Variants in GALNT13 observed in about 807,000 individuals in gnomAD.
GALNT13 encodes polypeptide N-acetylgalactosaminyltransferase 13, also known as UDP-GalNAc:polypeptide N-acetylgalactosaminyltransferase 13.
GALNT13 carries 28 observed loss-of-function variants against 64.2 expected under a neutral mutation model. The ratio of observed to expected loss-of-function variants is 0.44; its 90% CI spans 0.32 to 0.60. The LOEUF is 0.60. GALNT13 is among the 20% of genes least tolerant of loss of function. The pLI is 0.05. For synonymous variants in GALNT13, 214 were observed against 224.6 expected, an observed-to-expected ratio of 0.95 and a Z score of 0.42; for missense variants, 577 against 669.8, an observed-to-expected ratio of 0.86 and a Z score of 1.53.
chr2:153,159,951 A>T, the GALNT13 span, among the ~76,000 whole-genome samples: 1 of 152,234 alleles, frequency 6.6e-6, no homozygotes, highest in Non-Finnish European at 1.5e-5. Context: ...GAGTTGTTCT[A>T]TGACCACTTT....
the GALNT13 span, among the ~76,000 whole-genome samples, chr2:153,548,536 C>T: frequency 6.6e-6 from 1 of 152,154 alleles, no homozygotes; most frequent in Admixed American, 6.5e-5. Context: ...GCTTTTGCTT[C>T]CAGTGAATCT....
chr2:153,080,976 C>T, the GALNT13 span, among the ~76,000 whole-genome samples: 1 of 151,760 alleles, frequency 6.6e-6, no homozygotes, highest in South Asian at 2.1e-4. Context: ...ATTCACTGCC[C>T]ACCCTTAAAT....
At chr2:154,208,384 A>G (rs1687582458) in intron 4 of GALNT13, among the ~76,000 whole-genome samples, 1 of 152,216 alleles carries the variant, frequency 6.6e-6, no homozygotes, top group Admixed American at 6.5e-5. Context: ...ATAAAAATAA[A>G]TGTAAAATCA....
At chr2:153,560,439 T>C in the GALNT13 span, among the ~76,000 whole-genome samples, 2 of 152,068 alleles carry the variant, frequency 1.3e-5, no homozygotes, top group African/African-American at 2.4e-5. Flanking sequence ...CATTCATCCA[T>C]GTTTTCTACT....
chr2:153,546,139 G>C, the GALNT13 span, among the ~76,000 whole-genome samples: 1 of 152,142 alleles, frequency 6.6e-6, no homozygotes, highest in South Asian at 2.1e-4. Flanking sequence ...ATTTTTCAGT[G>C]ATTCCTAATA....
intron 9 of GALNT13, among the ~76,000 whole-genome samples, chr2:154,317,890 G>A (rs967412658): frequency 6.6e-6 from 1 of 151,208 alleles, no homozygotes; most frequent in African/African-American, 2.4e-5. Flanking sequence ...CATTGAACAG[G>A]ACATAGACTC....
At chr2:153,694,873 C>T in the GALNT13 span, among the ~76,000 whole-genome samples, 3 of 152,130 alleles carry the variant, frequency 2.0e-5, no homozygotes, top group East Asian at 5.8e-4. Context: ...GGAAATATTA[C>T]AGCTACTGGT....
chr2:154,415,199 A>G (rs1035681936), intron 11 of GALNT13, among the ~76,000 whole-genome samples: 4 of 151,978 alleles, frequency 2.6e-5, no homozygotes, highest in Admixed American at 2.0e-4. Flanking sequence ...AATTAACATA[A>G]CATTTATAAC....
At chr2:153,606,292 G>A in the GALNT13 span, among the ~76,000 whole-genome samples, 3 of 152,066 alleles carry the variant, frequency 2.0e-5, no homozygotes, top group African/African-American at 4.8e-5. Flanking sequence ...AAACTTGGGG[G>A]CCTATTGAAG....
chr2:153,469,038 T>A, the GALNT13 span, among the ~76,000 whole-genome samples: 1 of 152,142 alleles, frequency 6.6e-6, no homozygotes, highest in Non-Finnish European at 1.5e-5. Flanking sequence ...TGGCTTATAT[T>A]ATTAACCATT....
chr2:153,351,257 A>G, the GALNT13 span, among the ~76,000 whole-genome samples: 2 of 152,202 alleles, frequency 1.3e-5, no homozygotes, highest in African/African-American at 2.4e-5. Flanking sequence ...ACAAGTGATT[A>G]TGAACTATAC....
the GALNT13 span, among the ~76,000 whole-genome samples, chr2:153,562,018 T>C: frequency 2.0e-5 from 3 of 149,880 alleles, no homozygotes; most frequent in Non-Finnish European, 4.4e-5. Flanking sequence ...TTTACCATTC[T>C]CCCTCCCTCT....
chr2:153,757,999 TTCTC>T, the GALNT13 span, among the ~76,000 whole-genome samples: 1 of 152,162 alleles, frequency 6.6e-6, no homozygotes, highest in Admixed American at 6.6e-5. Flanking sequence ...ATAATCCTAT[TTCTC>T]TATTTTTGGT....
chr2:154,022,662 A>AT (rs1182305114), intron 3 of GALNT13, among the ~76,000 whole-genome samples: 14 of 151,988 alleles, frequency 9.2e-5, no homozygotes, highest in Admixed American at 2.6e-4. Flanking sequence ...GGATTCATTA[A>AT]TTTTTTGGAG....
intron 3 of GALNT13, among the ~76,000 whole-genome samples, chr2:154,123,734 C>T (rs898356096): frequency 5.9e-5 from 9 of 151,828 alleles, no homozygotes; most frequent in African/African-American, 2.2e-4. Flanking sequence ...ATAGATGACT[C>T]TTAAAAAACA....
At chr2:154,314,627 T>G (rs12693973) in intron 9 of GALNT13, among the ~76,000 whole-genome samples, 29,283 of 152,080 alleles carry the variant, frequency 0.19, 3,295 homozygotes, top group Middle Eastern at 0.35. Flanking sequence ...GCCAGCATGT[T>G]CAGAGATCTT....
the GALNT13 span, among the ~76,000 whole-genome samples, chr2:153,115,222 A>G: frequency 6.6e-6 from 1 of 152,154 alleles, no homozygotes; most frequent in African/African-American, 2.4e-5. Context: ...CACTCTTTTC[A>G]TTTTGTCTGC....
At chr2:153,580,517 T>G in the GALNT13 span, among the ~76,000 whole-genome samples, 1 of 151,938 alleles carries the variant, frequency 6.6e-6, no homozygotes, top group Non-Finnish European at 1.5e-5. Flanking sequence ...GAGAAATAAG[T>G]TTTTTCTAAA....
At chr2:154,184,166 A>G (rs146444015) in intron 4 of GALNT13, among the ~76,000 whole-genome samples, 13 of 152,154 alleles carry the variant, frequency 8.5e-5, no homozygotes, top group Admixed American at 2.0e-4. Context: ...ATTATAGAAT[A>G]ACCTTCTTTA....
Sources: allele counts gnomAD v4.1 joint callset (sites outside exome capture counted in the v4.1 genomes callset), GRCh38; gene constraint gnomAD v4.1.1; transcripts MANE v1.5; gene names NCBI Gene and HGNC (gene_info 2026-07-23, HGNC 2026-07-21).